The following DDB1 variants were observed in gnomAD, a reference collection of about 807,000 sequenced individuals.
DDB1 encodes DNA damage-binding protein 1.
A neutral mutation model predicts 133.1 loss-of-function variants in DDB1; 18 were observed. The observed-to-expected ratio is 0.14, with a 90% confidence interval of 0.09 to 0.20. The LOEUF is 0.20. DDB1 is among the 10% of genes least tolerant of loss of function. DDB1 has a pLI of 1.00. For synonymous variants in DDB1, 580 were observed against 550.5 expected, an observed-to-expected ratio of 1.05 and a Z score of -0.75; for missense variants, 828 against 1,459.2, an observed-to-expected ratio of 0.57 and a Z score of 7.05.
At chr11:61,327,375 A>G in intron 4 of DDB1, 1 of 158,604 alleles carries the variant, frequency 6.3e-6, no homozygotes, top group Non-Finnish European at 1.4e-5. Flanking sequence ...AGGCTGAGGC[A>G]GGAGAATCAC....
At chr11:61,316,948 TATATATATA>T (rs1856084956) in intron 10 of DDB1, among the ~76,000 whole-genome samples, 1 of 4,000 alleles carries the variant, frequency 2.5e-4, no homozygotes, top group East Asian at 5.7e-3. Flanking sequence ...AAAGGATAGA[TATATATATA>T]TATATATATA....
intron 21 of DDB1, among the ~76,000 whole-genome samples, chr11:61,306,455 C>T (rs781210259): frequency 2.6e-5 from 4 of 152,144 alleles, no homozygotes; most frequent in Admixed American, 6.5e-5. Flanking sequence ...CTAAAGCAGT[C>T]ACCTGAATCC....
chr11:61,307,040 T>C (rs1855892041), intron 21 of DDB1, among the ~76,000 whole-genome samples: 1 of 152,224 alleles, frequency 6.6e-6, no homozygotes, highest in Non-Finnish European at 1.5e-5. Flanking sequence ...AAAAGGGCAT[T>C]TCCATGAACT....
chr11:61,319,769 T>A (rs1050508139), intron 10 of DDB1, among the ~76,000 whole-genome samples: 1 of 152,202 alleles, frequency 6.6e-6, no homozygotes, highest in Non-Finnish European at 1.5e-5. Context: ...TTATGCCTGC[T>A]TCTTCCTTTT....
rs1855819729 is a variant in DDB1, at chr11:61,302,682, G to A, written c.3012C>T (p.Val1004=). The part of the protein sequence containing the change: ...EVGLFHLGEF[V]NVFCHGSLVM... ...CCAGAGAGCCGTGGCAAAAGACATT[G>A]ACAAACTCGCCCAGGTGGAAAAGAC... is the stretch of plus-strand genomic sequence containing the variant. Residue 1004 remains valine, a synonymous_variant, in exon 24 of 27, where the codon GTC becomes GTT. Coordinates refer to ENST00000301764, the MANE Select transcript of DDB1 (RefSeq NM_001923.5). 6.2e-7 allele frequency: 1 copy of A among 1,614,110 alleles called. No individual in the cohort carries two copies. Among genetic ancestry groups the A allele is most frequent in the African/African-American group, 1.3e-5 (1 of 74,928 alleles).
intron 26 of DDB1, 100 bp downstream of exon 26, chr11:61,300,709 T>C (rs770233042): frequency 1.2e-5 from 18 of 1,540,560 alleles, no homozygotes; most frequent in Non-Finnish European, 1.6e-5. Flanking sequence ...TCCCCTCGCA[T>C]CTTGGAACTG....
intron 5 of DDB1, 84 bp from the exon 6 acceptor site, chr11:61,325,792 C>CTTGGGGCTAACTAGA: frequency 9.4e-7 from 1 of 1,065,680 alleles, no homozygotes; most frequent in Non-Finnish European, 1.4e-6. Context: ...TCTAGTTAGC[C>CTTGGGGCTAACTAGA]CCAAGGCAAA....
chr11:61,324,184 A>AC (rs1856232459), intron 6 of DDB1, 47 bp from the exon 7 acceptor site: 1 of 1,610,870 alleles, frequency 6.2e-7, no homozygotes, highest in Non-Finnish European at 8.5e-7. Flanking sequence ...CATCTTCTAC[A>AC]CCAGAAAACA....
intron 4 of DDB1, among the ~76,000 whole-genome samples, chr11:61,328,698 A>G (rs1811514): frequency 0.94 from 142,350 of 152,132 alleles, 67,258 homozygotes; most frequent in East Asian, 1. Flanking sequence ...TGGTGAAACC[A>G]CGTCTCTACT....
intron 26 of DDB1, 44 bp from the exon 27 acceptor site, chr11:61,300,263 C>T (rs775225588): frequency 1.3e-6 from 2 of 1,590,590 alleles, no homozygotes; most frequent in Non-Finnish European, 1.7e-6. Context: ...CAAGAGGGTG[C>T]TCTCCCACAG....
chr11:61,301,943 T>G, intron 25 of DDB1: 1 of 227,094 alleles, frequency 4.4e-6, no homozygotes, highest in Non-Finnish European at 8.9e-6. Context: ...TGTGCTCCTG[T>G]GTTGTGATCT....
intron 21 of DDB1, 77 bp downstream of exon 21, chr11:61,308,906 C>CA (rs1855916577): frequency 7.0e-7 from 1 of 1,429,244 alleles, no homozygotes; most frequent in Admixed American, 1.7e-5. Context: ...CACGTGGCCC[C>CA]AGACAACCTA....
rs1427964143 is a variant in DDB1 at position 61,316,300 on chromosome 11, A to C, written c.1395T>G (p.His465Gln). The change falls in exon 12 of 27, where the codon CAT becomes CAG. Residue 465 changes from histidine to glutamine, a missense_variant. This residue lies in a region of DDB1 where 396 missense variants were observed against 554.1 expected (regional missense o/e 0.71). Transcript: ENST00000301764. The part of the protein sequence containing the change: ...QQTFFCGNVA[H>Q]QQLIQITSAS... The stretch of plus-strand genomic sequence containing the variant: ...CAGTTATCACCTGGATAAGCTGCTG[A>C]TGAGCCACGTTGCCACAGAAGAAAG... The C allele has an allele frequency of 6.2e-7, 1 of 1,614,208 alleles. No individual in the cohort carries two copies. The highest frequency in any genetic ancestry group is 2.2e-5 in the East Asian group (1 of 44,888).
At chr11:61,316,417 G>A in intron 11 of DDB1, 24 bp from the exon 12 acceptor site, 2 of 1,613,630 alleles carry the variant, frequency 1.2e-6, no homozygotes, top group Non-Finnish European at 1.7e-6. Context: ...GAGGGCCTGG[G>A]TCAGCCTGGG....
At position 61,309,994 on chromosome 11, in the gene DDB1, G is replaced by A. The variant is rs920051825; in HGVS notation, c.2402-34C>T. ...TAGAGAGATGACTACGTGATGACAG[G>A]TTACCCATATCTGCACGCACACATA... On this transcript the variant is annotated intron_variant, in intron 19 of 26. Transcript: ENST00000301764. 3.1e-6 allele frequency: 5 copies of A among 1,613,926 alleles called. No individual in the cohort carries two copies. In the African/African-American group the frequency reaches 4.0e-5, roughly 13 times the overall value.
intron 7 of DDB1, chr11:61,323,308 T>C (rs1009593088): frequency 3.5e-6 from 2 of 564,286 alleles, no homozygotes; most frequent in African/African-American, 3.7e-5. Flanking sequence ...CTCAGAAAAA[T>C]CTATAATTTG....
intron 2 of DDB1, among the ~76,000 whole-genome samples, chr11:61,330,441 T>C (rs1310296806): frequency 6.6e-6 from 1 of 152,004 alleles, no homozygotes; most frequent in East Asian, 1.9e-4. Flanking sequence ...GGAAAAAAAA[T>C]GTGGGAATAA....
In DDB1 at chr11:61,316,291, A is replaced by G; in HGVS notation, c.1404T>C (p.Leu468=). The G allele has an allele frequency of 6.2e-7, 1 of 1,614,140 alleles. No homozygotes were observed. The highest frequency in any genetic ancestry group is 1.1e-5 in the South Asian group (1 of 91,088). ...FFCGNVAHQQ[L]IQITSASVRL... is the part of the protein sequence containing the mutation. ...CCCCTTTCTCAGTTATCACCTGGAT[A>G]AGCTGCTGATGAGCCACGTTGCCAC... The change falls in exon 12 of 27, where the codon CTT becomes CTC. Residue 468 remains leucine (L), a synonymous_variant. Transcript: ENST00000301764.
At chr11:61,301,554 G>A (rs1378680415) in intron 25 of DDB1, 1 of 152,290 alleles carries the variant, frequency 6.6e-6, no homozygotes, top group Non-Finnish European at 1.5e-5. Flanking sequence ...CTGGACAACA[G>A]AGCAAGAACC....
Sources: allele counts gnomAD v4.1 joint callset (sites outside exome capture counted in the v4.1 genomes callset), GRCh38; gene constraint gnomAD v4.1.1; regional missense constraint gnomAD v4.1.1; transcripts MANE v1.5; gene names NCBI Gene and HGNC (gene_info 2026-07-23, HGNC 2026-07-21).